ZMAT4: variants seen among roughly 807,000 people sequenced by gnomAD.
ZMAT4 encodes zinc finger matrin-type protein 4.
In ZMAT4, 17 loss-of-function variants were observed where a neutral mutation model predicts 28.7. That is an observed-to-expected ratio of 0.59 (90% CI 0.41 to 0.89). The LOEUF is 0.89. Among genes scored for constraint, ZMAT4 ranks in the 40% least tolerant of loss-of-function variants. The pLI, the probability that ZMAT4 is intolerant of heterozygous loss-of-function variation, is 0.00. For synonymous variants in ZMAT4, 117 were observed against 109.2 expected (o/e 1.07, Z -0.44); for missense variants, 240 against 283.8 (o/e 0.85, Z 1.11).
chr8:40,628,673 G>T (rs1030784781), intron 5 of ZMAT4, among the ~76,000 whole-genome samples: 6 of 152,152 alleles, frequency 3.9e-5, no homozygotes, highest in African/African-American at 7.2e-5. Flanking sequence ...ATGGTGTAAA[G>T]GTTGGTAGCT....
chr8:40,733,120 C>T, intron 3 of ZMAT4, among the ~76,000 whole-genome samples: 1 of 151,976 alleles, frequency 6.6e-6, no homozygotes, highest in East Asian at 1.9e-4. Context: ...ACAAGCAAAA[C>T]CCAACATGTT....
At chr8:40,705,128 G>C (rs1443922034) in intron 3 of ZMAT4, among the ~76,000 whole-genome samples, 5 of 152,218 alleles carry the variant, frequency 3.3e-5, no homozygotes, top group African/African-American at 9.7e-5. Flanking sequence ...CTACTGAAGA[G>C]AGTTGAAGAA....
At chr8:40,888,856 G>A (rs138825522) in intron 1 of ZMAT4, among the ~76,000 whole-genome samples, 3 of 152,208 alleles carry the variant, frequency 2.0e-5, no homozygotes, top group Non-Finnish European at 4.4e-5. Flanking sequence ...ATTAATAAGT[G>A]GATTAAGCCA....
intron 3 of ZMAT4, among the ~76,000 whole-genome samples, chr8:40,759,552 C>T (rs748337404): frequency 2.0e-4 from 31 of 152,260 alleles, no homozygotes; most frequent in Non-Finnish European, 3.8e-4. Context: ...TGAGAACCCT[C>T]GCCAGAAACT....
At chr8:40,831,616 G>GC (rs1563514235) in intron 1 of ZMAT4, among the ~76,000 whole-genome samples, 1 of 152,218 alleles carries the variant, frequency 6.6e-6, no homozygotes, top group East Asian at 1.9e-4. Flanking sequence ...TCCCTACAAA[G>GC]CTTCTCTAGA....
intron 3 of ZMAT4, among the ~76,000 whole-genome samples, chr8:40,766,248 T>C (rs1813154379): frequency 6.6e-6 from 1 of 152,226 alleles, no homozygotes; most frequent in African/African-American, 2.4e-5. Context: ...ATATTATAGC[T>C]ACTCTTTATA....
intron 1 of ZMAT4, among the ~76,000 whole-genome samples, chr8:40,828,021 C>G (rs1164338772): frequency 6.6e-6 from 1 of 152,184 alleles, no homozygotes; most frequent in African/African-American, 2.4e-5. Context: ...CATCATCTTG[C>G]CCTGAGTCTA....
intron 3 of ZMAT4, among the ~76,000 whole-genome samples, chr8:40,715,126 G>T (rs1404702904): frequency 6.6e-6 from 1 of 151,332 alleles, no homozygotes; most frequent in East Asian, 1.9e-4. Context: ...TTGAATAAAG[G>T]CCAGAAAGAA....
At chr8:40,562,548 C>T (rs537945305) in intron 6 of ZMAT4, among the ~76,000 whole-genome samples, 17 of 152,232 alleles carry the variant, frequency 1.1e-4, no homozygotes, top group African/African-American at 4.1e-4. Flanking sequence ...TACACATCAC[C>T]CTCCATCCTC....
intron 5 of ZMAT4, among the ~76,000 whole-genome samples, chr8:40,606,363 A>T (rs1805579277): frequency 6.6e-6 from 1 of 152,110 alleles, no homozygotes; most frequent in Admixed American, 6.6e-5. Flanking sequence ...GTTCTTGTAG[A>T]GCTGGCTTGG....
At chr8:40,653,006 T>C (rs1002581840) in intron 5 of ZMAT4, among the ~76,000 whole-genome samples, 17 of 151,642 alleles carry the variant, frequency 1.1e-4, no homozygotes, top group African/African-American at 3.9e-4. Flanking sequence ...GTGGGTGCAG[T>C]GCACCAGCAT....
At chr8:40,808,223 A>G (rs1269333234) in intron 2 of ZMAT4, among the ~76,000 whole-genome samples, 1 of 151,562 alleles carries the variant, frequency 6.6e-6, no homozygotes, top group African/African-American at 2.4e-5. Flanking sequence ...AAAAGGATAC[A>G]CTATAATACT....
intron 5 of ZMAT4, among the ~76,000 whole-genome samples, chr8:40,614,784 C>A (rs1392272358): frequency 6.6e-6 from 1 of 152,104 alleles, no homozygotes; most frequent in Non-Finnish European, 1.5e-5. Flanking sequence ...CTTGGTAGAT[C>A]TTCCTCCATC....
intron 2 of ZMAT4, among the ~76,000 whole-genome samples, chr8:40,795,821 A>T (rs556178404): frequency 1.3e-5 from 2 of 152,346 alleles, no homozygotes; most frequent in East Asian, 3.9e-4. Context: ...TCCATTCACT[A>T]CCACCACAAG....
chr8:40,889,316 T>A (rs1408265987), intron 1 of ZMAT4, among the ~76,000 whole-genome samples: 1 of 152,230 alleles, frequency 6.6e-6, no homozygotes, highest in Non-Finnish European at 1.5e-5. Flanking sequence ...TGAGCGTTTA[T>A]CTTCTCCCAC....
In ZMAT4 at chr8:40,748,224, G is replaced by A. The variant is rs1000817665; in HGVS notation, c.192+19417C>T. 2.6e-5 allele frequency among the ~76,000 whole-genome samples: 4 copies of A among 152,106 alleles called. No individual in the cohort carries two copies. The East Asian group carries it at 5.8e-4, about 22-fold the overall frequency. ...GCTTGGCACAAAGACAAAACTAATA[G>A]ATGAATTATACGTGATTACAAAACT... is the stretch of plus-strand genomic sequence containing the variant. On this transcript the variant is annotated intron_variant, in intron 3 of 6. Transcript: ENST00000297737.
chr8:40,621,506 G>C (rs1164625827), intron 5 of ZMAT4, among the ~76,000 whole-genome samples: 1 of 152,186 alleles, frequency 6.6e-6, no homozygotes, highest in Non-Finnish European at 1.5e-5. Flanking sequence ...AGATAATAAG[G>C]GCAGGGCAAA....
At chr8:40,857,378 C>A (rs944294459) in intron 1 of ZMAT4, among the ~76,000 whole-genome samples, 20 of 150,276 alleles carry the variant, frequency 1.3e-4, no homozygotes, top group South Asian at 6.3e-4. Flanking sequence ...AAAAAAAAAA[C>A]AAAAACAAAC....
intron 5 of ZMAT4, among the ~76,000 whole-genome samples, chr8:40,646,303 A>G (rs1807312062): frequency 1.3e-5 from 2 of 150,630 alleles, no homozygotes; most frequent in Admixed American, 1.3e-4. Context: ...TTTTTAGACT[A>G]TCATTTTTAT....
Sources: allele counts gnomAD v4.1 joint callset (sites outside exome capture counted in the v4.1 genomes callset), GRCh38; gene constraint gnomAD v4.1.1; transcripts MANE v1.5; gene names NCBI Gene and HGNC (gene_info 2026-07-23, HGNC 2026-07-21).